The following CADPS2 variants were observed in gnomAD, a reference collection of about 807,000 sequenced individuals.
The protein encoded by CADPS2 is calcium-dependent secretion activator 2.
CADPS2 carries 93 observed loss-of-function variants against 172.5 expected under a neutral mutation model. The observed-to-expected ratio is 0.54, with a 90% CI of 0.46 to 0.64. CADPS2 has a LOEUF of 0.64. Among genes scored for constraint, CADPS2 ranks in the 30% least tolerant of loss-of-function variants. The pLI is 0.00. For missense variants in CADPS2, 1,420 were observed against 1,565.9 expected (o/e 0.91, Z 1.57); for synonymous variants, 546 against 555.2 (o/e 0.98, Z 0.23).
intron 6 of CADPS2, among the ~76,000 whole-genome samples, chr7:122,612,520 T>C (rs1481460795): frequency 1.3e-5 from 2 of 151,966 alleles, no homozygotes; most frequent in African/African-American, 2.4e-5. Flanking sequence ...CTACAAGACA[T>C]TGTTGAAAGG....
At chr7:122,708,734 A>C (rs1352081474) in intron 2 of CADPS2, among the ~76,000 whole-genome samples, 2 of 151,774 alleles carry the variant, frequency 1.3e-5, no homozygotes, top group Non-Finnish European at 2.9e-5. Context: ...CATGGTCTAC[A>C]TAACTTTAAC....
intron 8 of CADPS2, among the ~76,000 whole-genome samples, chr7:122,517,022 A>G (rs559947073): frequency 4.6e-5 from 7 of 152,170 alleles, no homozygotes; most frequent in Admixed American, 1.3e-4. Context: ...CACCTCCCCA[A>G]AAGTTCCCTT....
intron 1 of CADPS2, among the ~76,000 whole-genome samples, chr7:122,801,821 T>C (rs1797722080): frequency 1.3e-5 from 2 of 151,832 alleles, no homozygotes; most frequent in South Asian, 4.1e-4. Context: ...TACCCCAGGC[T>C]CTATCAATCC....
At chr7:122,373,966 C>G (rs2042058298) in intron 25 of CADPS2, among the ~76,000 whole-genome samples, 1 of 152,066 alleles carries the variant, frequency 6.6e-6, no homozygotes, top group Admixed American at 6.6e-5. Flanking sequence ...GAAAAGAAAA[C>G]TATAAGCCAA....
intron 17 of CADPS2, among the ~76,000 whole-genome samples, chr7:122,433,700 G>T (rs530194866): frequency 6.6e-6 from 1 of 152,308 alleles, no homozygotes; most frequent in Admixed American, 6.5e-5. Context: ...ATTGTGACTG[G>T]CCGATTTTTC....
chr7:122,423,898 C>A (rs2048834572), intron 17 of CADPS2, among the ~76,000 whole-genome samples: 1 of 152,122 alleles, frequency 6.6e-6, no homozygotes, highest in African/African-American at 2.4e-5. Flanking sequence ...TTACGAAAAA[C>A]AAAGTTAAAA....
At chr7:122,582,624 C>G (rs2068999064) in intron 6 of CADPS2, among the ~76,000 whole-genome samples, 1 of 151,890 alleles carries the variant, frequency 6.6e-6, no homozygotes, top group African/African-American at 2.4e-5. Context: ...CAAAATAAGG[C>G]ATAAAGAAAA....
At chr7:122,708,367 A>G (rs1007085834) in intron 2 of CADPS2, among the ~76,000 whole-genome samples, 3 of 151,158 alleles carry the variant, frequency 2.0e-5, no homozygotes, top group Non-Finnish European at 4.4e-5. Flanking sequence ...TGATCATTTC[A>G]GTAAGAGTAT....
At chr7:122,817,227 C>T (rs893019897) in intron 1 of CADPS2, among the ~76,000 whole-genome samples, 3 of 152,196 alleles carry the variant, frequency 2.0e-5, no homozygotes, top group Non-Finnish European at 4.4e-5. Flanking sequence ...AGATCAATCC[C>T]CTGTCCTCCT....
intron 19 of CADPS2, chr7:122,413,151 TG>T (rs1050539962): frequency 6.6e-6 from 1 of 152,332 alleles, no homozygotes; most frequent in African/African-American, 2.4e-5. Flanking sequence ...GGGGGCATAC[TG>T]GTGAGGGACT....
intron 2 of CADPS2, chr7:122,681,637 C>G: frequency 7.0e-7 from 1 of 1,425,870 alleles, no homozygotes; most frequent in Non-Finnish European, 9.8e-7. Flanking sequence ...GGTGCTGCCC[C>G]ACGTCCCCCA....
intron 25 of CADPS2, among the ~76,000 whole-genome samples, chr7:122,373,743 C>G (rs2042029579): frequency 6.6e-6 from 1 of 152,088 alleles, no homozygotes; most frequent in Non-Finnish European, 1.5e-5. Flanking sequence ...AATCTGTATT[C>G]AAAAACCTCT....
intron 9 of CADPS2, among the ~76,000 whole-genome samples, chr7:122,503,095 T>A (rs1171682709): frequency 1.3e-5 from 2 of 149,190 alleles, no homozygotes; most frequent in Non-Finnish European, 3.0e-5. Context: ...GCAGTGGCAC[T>A]ATCTCGGCTC....
intron 16 of CADPS2, 113 bp from the exon 17 acceptor site, chr7:122,438,577 C>T: frequency 5.8e-6 from 7 of 1,210,728 alleles, no homozygotes; most frequent in Non-Finnish European, 5.8e-6. Flanking sequence ...ACAAATTGTC[C>T]TTGATCTGAC....
chr7:122,868,797 G>A (rs2428775), intron 1 of CADPS2, among the ~76,000 whole-genome samples: 6,226 of 152,204 alleles, frequency 0.041, 423 homozygotes, highest in African/African-American at 0.14. Context: ...AAAGATGCTC[G>A]CTAAAGTAAG....
At chr7:122,386,504 G>A (rs2043699674) in intron 24 of CADPS2, among the ~76,000 whole-genome samples, 1 of 151,860 alleles carries the variant, frequency 6.6e-6, no homozygotes, top group Non-Finnish European at 1.5e-5. Flanking sequence ...AAATAAAATT[G>A]TACTTCTGAA....
chr7:122,336,474 T>C (rs979965215), intron 28 of CADPS2, among the ~76,000 whole-genome samples: 5 of 152,212 alleles, frequency 3.3e-5, no homozygotes, highest in African/African-American at 9.6e-5. Flanking sequence ...TAGAGACCAG[T>C]TGAAATGCAA....
intron 3 of CADPS2, among the ~76,000 whole-genome samples, chr7:122,630,022 C>T (rs1587966372): frequency 6.6e-6 from 1 of 152,226 alleles, no homozygotes. Flanking sequence ...CTTATTTTAA[C>T]TTTACTCATG....
chr7:122,861,945 C>A (rs1817055735), intron 1 of CADPS2, among the ~76,000 whole-genome samples: 1 of 152,214 alleles, frequency 6.6e-6, no homozygotes, highest in Admixed American at 6.5e-5. Context: ...ACCTGGAATT[C>A]TATGCGCAGC....
Sources: allele counts gnomAD v4.1 joint callset (sites outside exome capture counted in the v4.1 genomes callset), GRCh38; gene constraint gnomAD v4.1.1; transcripts MANE v1.5; gene names NCBI Gene and HGNC (gene_info 2026-07-23, HGNC 2026-07-21).